BAZ2B: variants seen among roughly 807,000 people sequenced by gnomAD.
The protein encoded by BAZ2B is bromodomain adjacent to zinc finger domain protein 2B.
Under a neutral mutation model 246.0 loss-of-function variants are expected in BAZ2B, and 91 were observed. The observed-to-expected ratio is 0.37, with a 90% CI of 0.31 to 0.44. The LOEUF is 0.44. Among genes scored for constraint, BAZ2B ranks in the 20% least tolerant of loss-of-function variants. BAZ2B has a pLI of 1.00. For synonymous variants in BAZ2B, 855 were observed against 860.0 expected (o/e 0.99, Z 0.10); for missense variants, 2,332 against 2,533.7 (o/e 0.92, Z 1.71).
Position 159,471,603 on chromosome 2 carries a change from AAAG to A in BAZ2B, c.145+6969_145+6971del, listed in dbSNP as rs772389993. ...TCTGTCTCCCCCTGGCTCCCCCTAA[AAAG>A]AAGGTGTTTTGTATATACTGCTTTT... On this transcript the variant is annotated intron_variant, in intron 3 of 36. Transcript: ENST00000392783. 4.6e-5 allele frequency among the ~76,000 whole-genome samples: 7 copies of A among 152,106 alleles called. No individual in the cohort carries two copies. In the East Asian group the frequency reaches 1.3e-3, roughly 29 times the overall value.
At chr2:159,472,984 A>G (rs1307408566) in intron 3 of BAZ2B, among the ~76,000 whole-genome samples, 1 of 152,146 alleles carries the variant, frequency 6.6e-6, no homozygotes, top group Non-Finnish European at 1.5e-5. Flanking sequence ...TGGTATCAGG[A>G]TGATGCTGGC....
In BAZ2B at chr2:159,418,601, AT is replaced by A. The variant is rs921184717; in HGVS notation, c.2467-6057del. ...CCATTTTTTAAATACTTGTAAGCTG[AT>A]TTTTTTTTTTGGGAAAAGCAGTATA... On this transcript the variant is annotated intron_variant, in intron 13 of 36. Coordinates refer to ENST00000392783, the MANE Select transcript of BAZ2B (RefSeq NM_013450.4). Among the ~76,000 whole-genome samples, 452 of 146,682 alleles carry A rather than the reference AT, an allele frequency of 3.1e-3. 2 individuals carry two copies. The highest frequency in any genetic ancestry group is 9.7e-3 in the African/African-American group (391 of 40,238).
chr2:159,401,037 C>T (rs375489855), intron 16 of BAZ2B, among the ~76,000 whole-genome samples: 3 of 150,824 alleles, frequency 2.0e-5, no homozygotes, highest in South Asian at 2.1e-4. Context: ...AGCGAGACTC[C>T]GTCTCAAAAT....
intron 1 of BAZ2B, among the ~76,000 whole-genome samples, chr2:159,563,195 T>C (rs759393253): frequency 7.2e-5 from 11 of 152,210 alleles, no homozygotes; most frequent in Non-Finnish European, 1.6e-4. Context: ...ATTAAATGAT[T>C]ACTGCTCTTG....
chr2:159,476,999 T>C (rs1266296458), intron 3 of BAZ2B, among the ~76,000 whole-genome samples: 1 of 152,204 alleles, frequency 6.6e-6, no homozygotes, highest in Non-Finnish European at 1.5e-5. Flanking sequence ...AGAAGTTATA[T>C]TGATTTTTAA....
At chr2:159,450,071 A>G (rs2074837613) in intron 4 of BAZ2B, among the ~76,000 whole-genome samples, 1 of 152,232 alleles carries the variant, frequency 6.6e-6, no homozygotes, top group Admixed American at 6.5e-5. Context: ...AATTTAACAC[A>G]GAGTCTGTAA....
At chr2:159,375,275 A>G (rs1485146518) in intron 25 of BAZ2B, among the ~76,000 whole-genome samples, 1 of 152,214 alleles carries the variant, frequency 6.6e-6, no homozygotes, top group Admixed American at 6.5e-5. Context: ...AAGGGTCTCA[A>G]AGAGAGGTAG....
intron 2 of BAZ2B, among the ~76,000 whole-genome samples, chr2:159,545,000 A>G (rs1189411155): frequency 6.6e-6 from 1 of 152,238 alleles, no homozygotes; most frequent in East Asian, 1.9e-4. Context: ...CTGTGGCAAC[A>G]TTATACAAAA....
chr2:159,511,690 A>T (rs890554912), intron 2 of BAZ2B, among the ~76,000 whole-genome samples: 4 of 152,224 alleles, frequency 2.6e-5, no homozygotes, highest in Admixed American at 1.3e-4. Flanking sequence ...TGATACACAA[A>T]CATTTAACAC....
At chr2:159,495,514 A>AAAG in intron 2 of BAZ2B, among the ~76,000 whole-genome samples, 1 of 149,372 alleles carries the variant, frequency 6.7e-6, no homozygotes, top group Non-Finnish European at 1.5e-5. Context: ...AAAAAAAAAA[A>AAAG]AATTTAATAT....
At position 159,357,547 on chromosome 2, in the gene BAZ2B, G is replaced by A. The variant is rs373103787; in HGVS notation, c.4214-7190C>T. ...AATGGAACTAAGCTGGCAAATATAC[G>A]TCAGGATATTATCCAGGAGAACTTC... is the stretch of plus-strand genomic sequence containing the variant. On this transcript the variant is annotated intron_variant, in intron 27 of 36. Coordinates refer to ENST00000392783, the MANE Select transcript of BAZ2B (RefSeq NM_013450.4). 3.9e-5 allele frequency among the ~76,000 whole-genome samples: 6 copies of A among 152,084 alleles called. 1 individual carries two copies. The highest frequency in any genetic ancestry group is 4.1e-4 in the South Asian group (2 of 4,824).
At chr2:159,317,863 G>C (rs552577851), downstream of BAZ2B, among the ~76,000 whole-genome samples, 1 of 152,028 alleles carries the variant, frequency 6.6e-6, no homozygotes, top group African/African-American at 2.4e-5. Flanking sequence ...AGTGATCCAC[G>C]TATGTATAGT....
At position 159,325,915 on chromosome 2, in the gene BAZ2B, T is replaced by A; in HGVS notation, c.5947A>T (p.Ser1983Cys). ...WFCPACIAKA[S>C]GQTLKIKKLH... is the part of the protein sequence containing the mutation. The stretch of plus-strand genomic sequence containing the variant: ...TTTTTGATTTTTAGAGTTTGACCAC[T>A]TGCCTTTAATTTAAAAAAAAAGTAA... Residue 1983 changes from serine to cysteine, a missense_variant, in exon 35 of 37, where the codon AGT becomes TGT. By Grantham distance (112) the Ser-to-Cys change is moderately radical. Coordinates refer to ENST00000392783, the MANE Select transcript of BAZ2B (RefSeq NM_013450.4). 3 of 1,575,838 alleles carry A rather than the reference T, an allele frequency of 1.9e-6. No individual in the cohort carries two copies. The highest frequency in any genetic ancestry group is 1.7e-6 in the Non-Finnish European group (2 of 1,167,948).
intron 13 of BAZ2B, among the ~76,000 whole-genome samples, chr2:159,415,528 C>T (rs1417474888): frequency 6.6e-6 from 1 of 151,212 alleles, no homozygotes; most frequent in Non-Finnish European, 1.5e-5. Flanking sequence ...TGTTATATTA[C>T]CTTATAGTCC....
At chr2:159,397,784 T>G (rs2064263624) in intron 18 of BAZ2B, among the ~76,000 whole-genome samples, 1 of 152,202 alleles carries the variant, frequency 6.6e-6, no homozygotes, top group Non-Finnish European at 1.5e-5. Context: ...GGTGCAACCC[T>G]CAAATCTAGC....
chr2:159,524,525 T>C (rs1273831183), intron 2 of BAZ2B, among the ~76,000 whole-genome samples: 1 of 152,018 alleles, frequency 6.6e-6, no homozygotes, highest in Non-Finnish European at 1.5e-5. Flanking sequence ...AGGAGGTACC[T>C]AGCAGCTGCC....
intron 1 of BAZ2B, among the ~76,000 whole-genome samples, chr2:159,589,401 T>G (rs971257854): frequency 4.0e-5 from 6 of 151,876 alleles, no homozygotes; most frequent in Admixed American, 2.6e-4. Context: ...ATAATACTAG[T>G]TAACAGAATC....
intron 2 of BAZ2B, among the ~76,000 whole-genome samples, chr2:159,519,236 T>TTTTTTTTTTTTTTTTTTA (rs1553692833): frequency 9.9e-5 from 7 of 70,612 alleles, no homozygotes; most frequent in Non-Finnish European, 2.0e-4. Flanking sequence ...TTTTTTTTTT[T>TTTTTTTTTTTTTTTTTTA]TTTTGAGACG....
At chr2:159,566,007 C>T (rs1682471825) in intron 1 of BAZ2B, among the ~76,000 whole-genome samples, 2 of 151,798 alleles carry the variant, frequency 1.3e-5, no homozygotes, top group South Asian at 4.2e-4. Context: ...TTACATAAAG[C>T]AATGTTGACT....
Sources: allele counts gnomAD v4.1 joint callset (sites outside exome capture counted in the v4.1 genomes callset), GRCh38; gene constraint gnomAD v4.1.1; transcripts MANE v1.5; gene names NCBI Gene and HGNC (gene_info 2026-07-23, HGNC 2026-07-21).